The following CEP89 variants were observed in gnomAD, a reference collection of about 807,000 sequenced individuals.
The protein encoded by CEP89 is centrosomal protein of 89 kDa.
In CEP89, 95 loss-of-function variants were observed where a neutral mutation model predicts 97.6. That is an observed-to-expected ratio of 0.97 (90% CI 0.82 to 1.15). The LOEUF (loss-of-function observed/expected upper bound fraction) is 1.15, where lower values mean the gene tolerates loss of function less well. CEP89 is among the 50% of genes most tolerant of loss of function. The pLI is 0.00. For missense variants in CEP89, 869 were observed against 947.7 expected, an observed-to-expected ratio of 0.92 and a Z score of 1.09; for synonymous variants, 354 against 349.1, an observed-to-expected ratio of 1.01 and a Z score of -0.16.
At position 32,926,987 on chromosome 19, in the gene CEP89, A is replaced by G. The variant is rs1179478268; in HGVS notation, c.1030-3T>C. ...GGGAGGCCTTCAATATTTAAGCTCTAAGAACAAAACATGTATTGAAGACAA... is the reference window on the plus strand; with the variant it reads ...GGGAGGCCTTCAATATTTAAGCTCTGAGAACAAAACATGTATTGAAGACAA... On this transcript the variant is annotated splice_polypyrimidine_tract_variant and splice_region_variant and intron_variant, in intron 9 of 18. Transcript: ENST00000305768. 6.2e-7 allele frequency: 1 copy of G among 1,612,804 alleles called. No homozygotes were observed. Among genetic ancestry groups the G allele is most frequent in the East Asian group, 2.2e-5 (1 of 44,874 alleles).
Position 32,899,899 on chromosome 19 carries a change from C to T in CEP89, c.1833G>A (p.Leu611=). 1 of 1,614,086 alleles carries T rather than the reference C, an allele frequency of 6.2e-7. No homozygotes were observed. The highest frequency in any genetic ancestry group is 8.5e-7 in the Non-Finnish European group (1 of 1,179,960). ...AHQYLANLVG[L]AENITQERDS... ...CACGTTCCTGGGTTATGTTTTCTGC[C>T]AGGCCAACAAGGTTTGCCAGGTACT... The change falls in exon 16 of 19, where the codon CTG becomes CTA. Residue 611 remains leucine (L), a synonymous_variant. Transcript: ENST00000305768.
chr19:32,952,903 C>CAAAAAAAAAA (rs34455504), intron 4 of CEP89, among the ~76,000 whole-genome samples: 1 of 48,756 alleles, frequency 2.1e-5, no homozygotes, highest in African/African-American at 8.9e-5. Context: ...GACTCTGTCT[C>CAAAAAAAAAA]AAAAAAAAAA....
intron 13 of CEP89, 63 bp from the exon 14 acceptor site, chr19:32,915,580 G>C: frequency 7.3e-7 from 1 of 1,371,286 alleles, no homozygotes; most frequent in Non-Finnish European, 1.0e-6. Flanking sequence ...ACAATTATGG[G>C]CTATTAGGAA....
At chr19:32,898,531 T>C (rs1037216044) in intron 16 of CEP89, among the ~76,000 whole-genome samples, 1 of 152,194 alleles carries the variant, frequency 6.6e-6, no homozygotes, top group African/African-American at 2.4e-5. Flanking sequence ...CAACAAAGTA[T>C]TGTATATTTC....
chr19:32,953,196 A>C (rs540773177), intron 4 of CEP89, among the ~76,000 whole-genome samples: 2 of 151,030 alleles, frequency 1.3e-5, no homozygotes, highest in Non-Finnish European at 2.9e-5. Context: ...AGGAGTTAGA[A>C]ACGGGAGCGC....
chr19:32,944,220 T>TAA (rs750448528), intron 5 of CEP89, among the ~76,000 whole-genome samples: 8 of 62,412 alleles, frequency 1.3e-4, no homozygotes, highest in Admixed American at 3.9e-4. Flanking sequence ...TGAGACCCTG[T>TAA]AAAAAAAAAA....
chr19:32,909,481 C>T (rs1398644140), intron 14 of CEP89, among the ~76,000 whole-genome samples: 1 of 152,032 alleles, frequency 6.6e-6, no homozygotes, highest in Non-Finnish European at 1.5e-5. Context: ...TGTGAACAAG[C>T]AACAAGGGTC....
rs34775796 is a variant in CEP89 at position 32,952,482 on chromosome 19, T to TA, written c.492+1132dup. On this transcript the variant is annotated intron_variant, in intron 4 of 18. Transcript: ENST00000305768. The stretch of plus-strand genomic sequence containing the variant: ...GGGACAGTGAGACCCCATCTCAATT[T>TA]AAAAAAAAAAAAGTGTTTTAATATA... Among the ~76,000 whole-genome samples, 58 of 141,968 alleles carry TA rather than the reference T, an allele frequency of 4.1e-4. 1 individual carries two copies. Among genetic ancestry groups the TA allele is most frequent in the Admixed American group, 2.6e-3 (36 of 13,984 alleles). 93.1% of individuals were successfully genotyped at this position (141,968 alleles called of 152,430 possible).
At chr19:32,915,749 T>C (rs1049820235) in intron 13 of CEP89, among the ~76,000 whole-genome samples, 5 of 151,424 alleles carry the variant, frequency 3.3e-5, no homozygotes, top group African/African-American at 7.3e-5. Flanking sequence ...TGAAACCCTG[T>C]CTCTACTAAA....
At chr19:32,904,025 T>A (rs1352144702) in intron 14 of CEP89, among the ~76,000 whole-genome samples, 1 of 152,162 alleles carries the variant, frequency 6.6e-6, no homozygotes, top group Non-Finnish European at 1.5e-5. Flanking sequence ...CCGGGAGCAG[T>A]GGCACATGCC....
At chr19:32,924,748 TATAA>T (rs1226307046) in intron 11 of CEP89, among the ~76,000 whole-genome samples, 1 of 152,152 alleles carries the variant, frequency 6.6e-6, no homozygotes, top group South Asian at 2.1e-4. Context: ...TGCCTGTTTT[TATAA>T]ATAAAGTTTT....
chr19:32,896,900 C>T (rs987011803), intron 16 of CEP89, among the ~76,000 whole-genome samples: 1 of 151,726 alleles, frequency 6.6e-6, no homozygotes, highest in African/African-American at 2.4e-5. Flanking sequence ...TACAAATGGG[C>T]AACAGGCATA....
At chr19:32,933,417 A>G in intron 8 of CEP89, 34 bp downstream of exon 8, 1 of 1,413,744 alleles carries the variant, frequency 7.1e-7, no homozygotes, top group Non-Finnish European at 9.9e-7. Context: ...AGTCCTGCTC[A>G]TTCCTCTAAT....
chr19:32,905,063 C>T (rs1324896190), intron 14 of CEP89, among the ~76,000 whole-genome samples: 8 of 152,116 alleles, frequency 5.3e-5, no homozygotes, highest in Admixed American at 3.9e-4. Context: ...TTTCCCTTTT[C>T]CCAAACCTTC....
chr19:32,889,300 G>A (rs956249232), intron 16 of CEP89, among the ~76,000 whole-genome samples: 2 of 152,132 alleles, frequency 1.3e-5, no homozygotes, highest in African/African-American at 4.8e-5. Context: ...CAGACATCCT[G>A]GCAGCTCCCA....
chr19:32,921,319 G>C (rs1970245270), intron 12 of CEP89, among the ~76,000 whole-genome samples: 1 of 152,200 alleles, frequency 6.6e-6, no homozygotes, highest in Non-Finnish European at 1.5e-5. Flanking sequence ...GTGCAGGTGT[G>C]CAGGTACCGA....
In CEP89 at chr19:32,889,276, C is replaced by T. The variant is rs117922747; in HGVS notation, c.1876-1435G>A. ...CCACTCCAGACCTGGCTACAGAGGACCAAGAGCCCTGCCCAGACATCCTGG... is the reference window on the plus strand; with the variant it reads ...CCACTCCAGACCTGGCTACAGAGGATCAAGAGCCCTGCCCAGACATCCTGG... On this transcript the variant is annotated intron_variant, in intron 16 of 18. Coordinates refer to ENST00000305768, the MANE Select transcript of CEP89 (RefSeq NM_032816.5). 7.6e-3 allele frequency among the ~76,000 whole-genome samples: 1,162 copies of T among 152,240 alleles called. 11 individuals are homozygous for T. The highest frequency in any genetic ancestry group is 0.02 in the Middle Eastern group (6 of 294).
intron 15 of CEP89, among the ~76,000 whole-genome samples, chr19:32,900,263 TGAGACACA>T (rs1969737360): frequency 1.4e-5 from 2 of 142,958 alleles, no homozygotes; most frequent in Non-Finnish European, 1.5e-5. Context: ...TTTTTTTTTT[TGAGACACA>T]GTCTTGCTCT....
intron 11 of CEP89, among the ~76,000 whole-genome samples, chr19:32,925,491 T>A (rs1251447341): frequency 7.1e-6 from 1 of 140,534 alleles, no homozygotes; most frequent in Non-Finnish European, 1.5e-5. Flanking sequence ...AGCCCTTTTT[T>A]TTTTTTTTTT....
Sources: gnomAD v4.1 joint callset for allele counts (sites outside exome capture counted in the v4.1 genomes callset) on GRCh38, gnomAD v4.1.1 for gene constraint, MANE v1.5 for transcripts, NCBI Gene and HGNC (gene_info 2026-07-23, HGNC 2026-07-21) for gene names.